The following GRAMD2B variants were observed in gnomAD, a reference collection of about 807,000 sequenced individuals.
The protein encoded by GRAMD2B is GRAM domain containing 2B.
A neutral mutation model predicts 59.2 loss-of-function variants in GRAMD2B; 41 were observed. That is an observed-to-expected ratio of 0.69 (90% confidence interval 0.54 to 0.90). GRAMD2B has a LOEUF of 0.90. Ranked by LOEUF, GRAMD2B falls within the 40% of genes least tolerant of loss-of-function variation. GRAMD2B has a pLI of 0.00. For missense variants in GRAMD2B, 424 were observed against 500.5 expected (o/e 0.85, Z 1.46); for synonymous variants, 161 against 182.7 (o/e 0.88, Z 0.96).
chr5:126,450,707 G>A (rs955635564), intron 1 of GRAMD2B, among the ~76,000 whole-genome samples: 1 of 150,952 alleles, frequency 6.6e-6, no homozygotes, highest in Admixed American at 6.6e-5. Context: ...GGCCAGTCTG[G>A]CTCTAGCGTC....
intron 1 of GRAMD2B, among the ~76,000 whole-genome samples, chr5:126,390,425 C>T (rs7732081): frequency 0.12 from 18,430 of 152,058 alleles, 1,285 homozygotes; most frequent in East Asian, 0.22. Context: ...ATATAAATGG[C>T]CATTAATTAA....
intron 1 of GRAMD2B, among the ~76,000 whole-genome samples, chr5:126,410,809 A>G (rs1328330847): frequency 6.6e-6 from 1 of 151,904 alleles, no homozygotes; most frequent in Non-Finnish European, 1.5e-5. Flanking sequence ...AACCATTCCA[A>G]CTGGTATGAT....
chr5:126,451,706 T>C lies in GRAMD2B; in HGVS notation c.84-13720T>C, dbSNP rs192827508. 5.5e-4 allele frequency among the ~76,000 whole-genome samples: 83 copies of C among 152,276 alleles called. No homozygotes were observed. The Middle Eastern group carries it at 0.02, about 37-fold the overall frequency. ...GAGATGTGGGGGGCCAGCGGCAGAA[T>C]GATATGGTTTGGATATTTGTCCCCT... On this transcript the variant is annotated intron_variant, in intron 1 of 13. Transcript: ENST00000285689.
At chr5:126,477,342 CA>C (rs1285801784) in intron 5 of GRAMD2B, among the ~76,000 whole-genome samples, 2 of 152,150 alleles carry the variant, frequency 1.3e-5, no homozygotes, top group African/African-American at 4.8e-5. Flanking sequence ...GAAGTTAGCC[CA>C]AAGTGGATGA....
At chr5:126,480,295 T>C in intron 6 of GRAMD2B, 161 bp from the exon 7 acceptor site, 1 of 574,554 alleles carries the variant, frequency 1.7e-6, no homozygotes, top group Admixed American at 3.3e-5. Flanking sequence ...AGGAATGGAA[T>C]AAAAATGGAA....
chr5:126,443,007 A>C (rs1357484402), intron 1 of GRAMD2B, among the ~76,000 whole-genome samples: 1 of 152,166 alleles, frequency 6.6e-6, no homozygotes, highest in South Asian at 2.1e-4. Context: ...TTGATCATTA[A>C]TGGGGATTGT....
intron 1 of GRAMD2B, among the ~76,000 whole-genome samples, chr5:126,377,439 G>A (rs898487050): frequency 2.0e-5 from 3 of 152,050 alleles, no homozygotes; most frequent in Non-Finnish European, 2.9e-5. Flanking sequence ...GGTAAGGTGC[G>A]CAGATAGTCC....
intron 8 of GRAMD2B, 103 bp downstream of exon 8, chr5:126,480,810 C>G (rs1456513766): frequency 4.2e-6 from 4 of 954,486 alleles, no homozygotes. Context: ...AGCTTAGGAC[C>G]AAAATATTTG....
At chr5:126,385,187 T>C (rs998169814) in intron 1 of GRAMD2B, among the ~76,000 whole-genome samples, 1 of 152,168 alleles carries the variant, frequency 6.6e-6, no homozygotes, top group Non-Finnish European at 1.5e-5. Flanking sequence ...ATAGGGAGAA[T>C]AGCAAGTGGC....
intron 1 of GRAMD2B, among the ~76,000 whole-genome samples, chr5:126,404,812 C>A (rs185810098): frequency 1.8e-4 from 28 of 151,842 alleles, no homozygotes; most frequent in African/African-American, 5.1e-4. Flanking sequence ...GGTAGACAAC[C>A]CTGTACACAT....
At chr5:126,406,778 G>A (rs1223679377) in intron 1 of GRAMD2B, among the ~76,000 whole-genome samples, 1 of 152,006 alleles carries the variant, frequency 6.6e-6, no homozygotes, top group African/African-American at 2.4e-5. Flanking sequence ...TACTGTGGAA[G>A]AGTCAGATTC....
At chr5:126,388,474 A>T (rs1022212817) in intron 1 of GRAMD2B, among the ~76,000 whole-genome samples, 1 of 152,092 alleles carries the variant, frequency 6.6e-6, no homozygotes, top group Non-Finnish European at 1.5e-5. Flanking sequence ...AGTAAGTGAG[A>T]TGTTATTTAC....
rs61181985 is a variant in GRAMD2B at position 126,391,319 on chromosome 5, C to CAAAAAAAAAAAAAAAAAAAAAAAAAAA, written c.125+19773_125+19774insAAAAAAAAAAAAAAAAAAAAAAAAAAA. Among the ~76,000 whole-genome samples, 46 of 76,336 alleles carry CAAAAAAAAAAAAAAAAAAAAAAAAAAA rather than the reference C, an allele frequency of 6.0e-4. 7 individuals carry two copies. Among genetic ancestry groups the CAAAAAAAAAAAAAAAAAAAAAAAAAAA allele is most frequent in the Middle Eastern group, 5.7e-3 (1 of 176 alleles). 50.1% of individuals were successfully genotyped at this position (76,336 alleles called of 152,430 possible). ...TGGGCAAGAGAGGGAGACTCCATCT[C>CAAAAAAAAAAAAAAAAAAAAAAAAAAA]AAAAAAAAAAAAAAAAAAAAACTTG... On this transcript the variant is annotated intron_variant, in intron 1 of 8. Coordinates refer to the GRAMD2B transcript ENST00000506445.
At chr5:126,377,818 G>C (rs962431487) in intron 1 of GRAMD2B, among the ~76,000 whole-genome samples, 1 of 152,184 alleles carries the variant, frequency 6.6e-6, no homozygotes. Context: ...TGTGTGGGTA[G>C]TGGAAAAGAA....
chr5:126,401,005 C>A (rs1757787205), intron 1 of GRAMD2B, among the ~76,000 whole-genome samples: 1 of 152,044 alleles, frequency 6.6e-6, no homozygotes, highest in Non-Finnish European at 1.5e-5. Context: ...AGTTTTCAGC[C>A]AATTTTTTAA....
chr5:126,466,428 A>G lies in GRAMD2B; in HGVS notation c.203+883A>G, dbSNP rs969004374. ...CCTGCATGCTGTTTTGTGGCATCTCACCTTTTTTTTTTTTCCAGTCGGAGT... is the reference window on the plus strand; with the variant it reads ...CCTGCATGCTGTTTTGTGGCATCTCGCCTTTTTTTTTTTTCCAGTCGGAGT... On this transcript the variant is annotated intron_variant, in intron 2 of 13. Transcript: ENST00000285689. 9.4e-5 allele frequency: 62 copies of G among 656,440 alleles called. 2 individuals carry two copies. In the Admixed American group the frequency reaches 1.0e-3, roughly 11 times the overall value. The allele number at this position is 656,440 out of a possible 1,614,324, so 40.7% of individuals were successfully genotyped here. A position where few individuals can be genotyped will look rare whatever the true frequency, so the allele number is the denominator to read the frequency against.
intron 1 of GRAMD2B, among the ~76,000 whole-genome samples, chr5:126,414,783 A>T (rs1024287872): frequency 5.4e-4 from 82 of 152,110 alleles, no homozygotes; most frequent in African/African-American, 2.0e-3. Context: ...ATGCTTTTAA[A>T]CGTAGAAGCT....
At chr5:126,462,826 G>A (rs1204060731) in intron 1 of GRAMD2B, among the ~76,000 whole-genome samples, 1 of 152,202 alleles carries the variant, frequency 6.6e-6, no homozygotes, top group Non-Finnish European at 1.5e-5. Context: ...GGGCCTTCAA[G>A]GAGAGAACCA....
chr5:126,391,036 A>T (rs1756689179), intron 1 of GRAMD2B, among the ~76,000 whole-genome samples: 1 of 152,052 alleles, frequency 6.6e-6, no homozygotes, highest in African/African-American at 2.4e-5. Flanking sequence ...AAAGATGTAG[A>T]CCTCCTAATG....
Sources: allele counts gnomAD v4.1 joint callset (sites outside exome capture counted in the v4.1 genomes callset), GRCh38; gene constraint gnomAD v4.1.1; transcripts MANE v1.5; gene names NCBI Gene and HGNC (gene_info 2026-07-23, HGNC 2026-07-21).